The following NAV3 variants were observed in gnomAD, a reference collection of about 807,000 sequenced individuals.
The protein encoded by NAV3 is neuron navigator 3, also known as pore membrane and/or filament interacting like protein 1.
In NAV3, 87 loss-of-function variants were observed where a neutral mutation model predicts 244.7. The ratio of observed to expected loss-of-function variants is 0.36; its 90% confidence interval spans 0.30 to 0.42. The LOEUF (loss-of-function observed/expected upper bound fraction) is 0.42. Among genes scored for constraint, NAV3 ranks in the 20% least tolerant of loss-of-function variants. NAV3 has a pLI of 1.00. For synonymous variants in NAV3, 1,126 were observed against 1,042.2 expected (o/e 1.08, Z -1.55); for missense variants, 2,663 against 2,893.3 (o/e 0.92, Z 1.83).
intron 2 of NAV3, among the ~76,000 whole-genome samples, chr12:77,628,436 T>C (rs1200823898): frequency 6.6e-6 from 1 of 152,198 alleles, no homozygotes; most frequent in East Asian, 1.9e-4. Flanking sequence ...TAAAAATAGA[T>C]TACTGTTGCT....
At chr12:77,610,671 A>T (rs1055833752) in intron 2 of NAV3, among the ~76,000 whole-genome samples, 1 of 152,056 alleles carries the variant, frequency 6.6e-6, no homozygotes, top group Non-Finnish European at 1.5e-5. Flanking sequence ...GACACTCAGA[A>T]TTTCAAAGAA....
intron 5 of NAV3, among the ~76,000 whole-genome samples, chr12:77,988,489 A>G (rs2136329102): frequency 6.6e-6 from 1 of 152,280 alleles, no homozygotes; most frequent in Non-Finnish European, 1.5e-5. Context: ...TTGACTGTGT[A>G]TAGTTTTCTC....
intron 1 of NAV3, among the ~76,000 whole-genome samples, chr12:77,877,314 A>G (rs932281483): frequency 1.3e-5 from 2 of 152,080 alleles, no homozygotes; most frequent in Admixed American, 1.3e-4. Context: ...TTAAATTAAT[A>G]ATTTCAATGG....
chr12:77,627,885 G>A (rs1032453135), intron 2 of NAV3, among the ~76,000 whole-genome samples: 1 of 152,114 alleles, frequency 6.6e-6, no homozygotes, highest in African/African-American at 2.4e-5. Context: ...GAAATTGAAG[G>A]TTATTATGTT....
chr12:77,652,323 C>T (rs1318782130), intron 2 of NAV3, among the ~76,000 whole-genome samples: 1 of 152,190 alleles, frequency 6.6e-6, no homozygotes, highest in Admixed American at 6.5e-5. Flanking sequence ...CATTCTAAAA[C>T]ACTATGCCGT....
chr12:78,116,745 C>T (rs2138512964), intron 12 of NAV3, 27 bp from the exon 13 acceptor site: 1 of 1,545,146 alleles, frequency 6.5e-7, no homozygotes, highest in East Asian at 2.3e-5. Flanking sequence ...GTGTTTGATT[C>T]ACTGCTCTTG....
intron 1 of NAV3, among the ~76,000 whole-genome samples, chr12:77,855,968 G>C (rs1878338576): frequency 6.6e-6 from 1 of 152,162 alleles, no homozygotes; most frequent in Admixed American, 6.5e-5. Flanking sequence ...AGTGCTAACT[G>C]ATACAGATTC....
chr12:78,131,413 A>T (rs556632956), intron 18 of NAV3, among the ~76,000 whole-genome samples: 212 of 152,284 alleles, frequency 1.4e-3, no homozygotes, highest in Non-Finnish European at 2.3e-3. Flanking sequence ...TTGATTTTTT[A>T]AAAAAGCGAA....
chr12:77,975,291 G>A (rs1049993898), intron 5 of NAV3, among the ~76,000 whole-genome samples: 7 of 152,042 alleles, frequency 4.6e-5, no homozygotes, highest in Admixed American at 1.3e-4. Flanking sequence ...TATTAAGCAC[G>A]TAGTATGTTC....
intron 3 of NAV3, among the ~76,000 whole-genome samples, chr12:77,961,894 A>C (rs1385211299): frequency 6.6e-6 from 1 of 151,728 alleles, no homozygotes; most frequent in Non-Finnish European, 1.5e-5. Context: ...TAATGTTATG[A>C]TATATACTTT....
At chr12:78,020,302 G>A (rs536235065) in intron 8 of NAV3, among the ~76,000 whole-genome samples, 5 of 152,148 alleles carry the variant, frequency 3.3e-5, no homozygotes, top group African/African-American at 4.8e-5. Context: ...AAATGCTGCC[G>A]AGATACCAAA....
chr12:77,964,669 C>A (rs1892356884), intron 3 of NAV3, among the ~76,000 whole-genome samples: 1 of 152,108 alleles, frequency 6.6e-6, no homozygotes, highest in Non-Finnish European at 1.5e-5. Context: ...ACTGTCGCCT[C>A]ATTGGATATT....
chr12:77,896,998 G>C (rs1337058036), intron 1 of NAV3, among the ~76,000 whole-genome samples: 1 of 152,158 alleles, frequency 6.6e-6, no homozygotes, highest in Non-Finnish European at 1.5e-5. Flanking sequence ...CTGTTGACCA[G>C]AGGCATGGGC....
At chr12:78,045,340 G>A (rs546378370) in intron 9 of NAV3, among the ~76,000 whole-genome samples, 37 of 152,052 alleles carry the variant, frequency 2.4e-4, no homozygotes, top group African/African-American at 6.8e-4. Flanking sequence ...CCATCACACC[G>A]GCTGGAGTGC....
chr12:77,869,034 AAAACAAAC>A (rs368022962), intron 1 of NAV3, among the ~76,000 whole-genome samples: 172 of 151,226 alleles, frequency 1.1e-3, no homozygotes, highest in Middle Eastern at 3.4e-3. Context: ...ATCGAGGTAA[AAAACAAAC>A]AAACAAACAA....
At chr12:77,599,465 T>A (rs1024396744) in intron 2 of NAV3, among the ~76,000 whole-genome samples, 1 of 151,884 alleles carries the variant, frequency 6.6e-6, no homozygotes, top group Non-Finnish European at 1.5e-5. Flanking sequence ...TTATCTGGTA[T>A]ACTTACCAGT....
intron 2 of NAV3, among the ~76,000 whole-genome samples, chr12:77,824,962 A>G (rs1320855020): frequency 6.6e-6 from 1 of 152,318 alleles, no homozygotes; most frequent in Non-Finnish European, 1.5e-5. Context: ...GATAAAGAAT[A>G]TCTTATCAGA....
intron 1 of NAV3, among the ~76,000 whole-genome samples, chr12:77,886,233 A>G (rs1452565354): frequency 6.6e-6 from 1 of 152,152 alleles, no homozygotes; most frequent in African/African-American, 2.4e-5. Context: ...CTGGTCCTGC[A>G]TTCAATTACA....
At position 77,709,931 on chromosome 12, in the gene NAV3, C is replaced by A. The variant is rs185180079; in HGVS notation, c.72+137665C>A. On this transcript the variant is annotated intron_variant, in intron 2 of 8. Transcript: ENST00000550042. Reference sequence around the variant, plus strand: ...TGAAGACTGAGCCAAACCCTGCAGACCCAGTTATACAACATGAACCCAAAT... The same window carrying A: ...TGAAGACTGAGCCAAACCCTGCAGAACCAGTTATACAACATGAACCCAAAT... Among the ~76,000 whole-genome samples the A allele has an allele frequency of 3.7e-3, 567 of 152,272 alleles. 1 individual carries two copies. Among genetic ancestry groups the A allele is most frequent in the Middle Eastern group, 0.01 (3 of 294 alleles).
Sources: gnomAD v4.1 joint callset for allele counts (sites outside exome capture counted in the v4.1 genomes callset) on GRCh38, gnomAD v4.1.1 for gene constraint, MANE v1.5 for transcripts, NCBI Gene and HGNC (gene_info 2026-07-23, HGNC 2026-07-21) for gene names.